The following MYO5B variants were observed in gnomAD, a reference collection of about 807,000 sequenced individuals.
MYO5B encodes unconventional myosin-Vb.
In MYO5B, 143 loss-of-function variants were observed where a neutral mutation model predicts 229.3. The observed-to-expected ratio is 0.62, with a 90% confidence interval of 0.54 to 0.72. MYO5B has a LOEUF of 0.72. Ranked by LOEUF, MYO5B falls within the 30% of genes least tolerant of loss-of-function variation. The probability of loss-of-function intolerance (pLI) is 0.00; values close to 1 mark genes in which losing one functional copy is unlikely to be tolerated. For missense variants in MYO5B, 2,321 were observed against 2,331.0 expected, an observed-to-expected ratio of 1.00 and a Z score of 0.09; for synonymous variants, 918 against 885.2, an observed-to-expected ratio of 1.04 and a Z score of -0.66.
At chr18:50,008,621 G>C (rs2026128896) in intron 4 of MYO5B, among the ~76,000 whole-genome samples, 1 of 152,140 alleles carries the variant, frequency 6.6e-6, no homozygotes, top group Admixed American at 6.5e-5. Flanking sequence ...TCCCTGAGAG[G>C]ATGAAGAGGT....
intron 18 of MYO5B, among the ~76,000 whole-genome samples, chr18:49,907,438 A>AC (rs1598873915): frequency 6.6e-6 from 1 of 152,168 alleles, no homozygotes; most frequent in African/African-American, 2.4e-5. Flanking sequence ...CCCTGGGCTC[A>AC]CCCCTTTGGA....
chr18:50,110,684 C>A (rs73430304), intron 1 of MYO5B, among the ~76,000 whole-genome samples: 1 of 151,966 alleles, frequency 6.6e-6, no homozygotes, highest in Admixed American at 6.6e-5. Context: ...CAACTGAGGA[C>A]GGAAGTTAAG....
At chr18:50,115,547 GACACACACACACACAC>G (rs56886992) in intron 1 of MYO5B, among the ~76,000 whole-genome samples, 7 of 125,180 alleles carry the variant, frequency 5.6e-5, no homozygotes, top group African/African-American at 1.7e-4. Flanking sequence ...CACACAGAGA[GACACACACACACACAC>G]ACACACACAC....
In MYO5B at chr18:49,875,771, C is replaced by T; in HGVS notation, c.3453G>A (p.Lys1151=). The change falls in exon 26 of 40, where the codon AAG becomes AAA. Residue 1151 remains lysine (K), a synonymous_variant. Coordinates refer to ENST00000285039, the MANE Select transcript of MYO5B (RefSeq NM_001080467.3). Reference sequence around the variant, plus strand: ...TCTCCTGCTCCAGCTCCCGTACTCTCTTCTGCAGCTTCAGGAAGACCGTCA... The same window carrying T: ...TCTCCTGCTCCAGCTCCCGTACTCTTTTCTGCAGCTTCAGGAAGACCGTCA... ...MDMTVFLKLQ[K]RVRELEQERK... is the part of the protein sequence containing the mutation. 6.2e-7 allele frequency: 1 copy of T among 1,614,210 alleles called. No individual in the cohort carries two copies. The highest frequency in any genetic ancestry group is 8.5e-7 in the Non-Finnish European group (1 of 1,180,020).
intron 25 of MYO5B, 118 bp downstream of exon 25, chr18:49,877,645 C>T: frequency 7.2e-7 from 1 of 1,392,216 alleles, no homozygotes; most frequent in Non-Finnish European, 1.0e-6. Flanking sequence ...GAGAATTAGC[C>T]CCTGGGCACT....
At chr18:49,897,298 G>A (rs1206786417) in intron 21 of MYO5B, among the ~76,000 whole-genome samples, 1 of 152,160 alleles carries the variant, frequency 6.6e-6, no homozygotes, top group Non-Finnish European at 1.5e-5. Context: ...AACCCTCCCT[G>A]CCATGTTACT....
intron 27 of MYO5B, among the ~76,000 whole-genome samples, chr18:49,868,410 G>A (rs2024421391): frequency 6.6e-6 from 1 of 152,208 alleles, no homozygotes; most frequent in Non-Finnish European, 1.5e-5. Context: ...AGTCAGTTGA[G>A]GTGAAAAGTG....
At chr18:49,839,392 AG>A in intron 35 of MYO5B, 98 bp from the exon 36 acceptor site, 1 of 1,430,706 alleles carries the variant, frequency 7.0e-7, no homozygotes, top group Non-Finnish European at 9.7e-7. Flanking sequence ...TTTGGTGGGC[AG>A]GGGGCCTACT....
At chr18:50,192,081 A>G (rs1343324385) in intron 1 of MYO5B, among the ~76,000 whole-genome samples, 1 of 152,292 alleles carries the variant, frequency 6.6e-6, no homozygotes, top group African/African-American at 2.4e-5. Flanking sequence ...GAGAGAAAAA[A>G]AAAAAAAATG....
At chr18:50,035,159 G>A (rs1380000026) in intron 4 of MYO5B, among the ~76,000 whole-genome samples, 2 of 152,182 alleles carry the variant, frequency 1.3e-5, no homozygotes, top group African/African-American at 4.8e-5. Flanking sequence ...TCTACAGGGT[G>A]GATAAAGCTA....
chr18:50,075,674 T>G (rs1251070934), intron 1 of MYO5B, among the ~76,000 whole-genome samples: 3 of 152,120 alleles, frequency 2.0e-5, no homozygotes, highest in African/African-American at 4.8e-5. Flanking sequence ...GGCTTCTAGA[T>G]TCAAAGAAGT....
intron 14 of MYO5B, among the ~76,000 whole-genome samples, 200 bp from the exon 15 acceptor site, chr18:49,937,597 C>A (rs1183017548): frequency 6.6e-6 from 1 of 152,106 alleles, no homozygotes; most frequent in African/African-American, 2.4e-5. Flanking sequence ...GATGAATGGA[C>A]AAACAAATGT....
Position 50,195,034 on chromosome 18 carries a change from G to T in MYO5B, c.-241C>A. The T allele has an allele frequency of 2.6e-6, 1 of 389,626 alleles. No homozygotes were observed. Among genetic ancestry groups the T allele is most frequent in the Non-Finnish European group, 4.3e-6 (1 of 233,112 alleles). 24.1% of individuals were successfully genotyped at this position (389,626 alleles called of 1,614,324 possible). A position where few individuals can be genotyped will look rare whatever the true frequency, so the allele number is the denominator to read the frequency against. ...CCGGACAGGAGTTGCGAGCGCCGGG[G>T]GAGGAGGCCGCGCCGCACCACTCCC... On this transcript the variant is annotated 5_prime_UTR_variant, in exon 1 of 40. Transcript: ENST00000285039.
chr18:50,184,374 G>A (rs1270376471), intron 1 of MYO5B, among the ~76,000 whole-genome samples: 4 of 152,108 alleles, frequency 2.6e-5, no homozygotes, highest in Admixed American at 2.0e-4. Flanking sequence ...AGGGAGAGTT[G>A]CAGGGCAGTG....
At chr18:49,971,694 G>T (rs973743360) in intron 10 of MYO5B, among the ~76,000 whole-genome samples, 1 of 152,148 alleles carries the variant, frequency 6.6e-6, no homozygotes, top group Non-Finnish European at 1.5e-5. Context: ...TCCATATTTA[G>T]GGCATGTATG....
intron 35 of MYO5B, 124 bp downstream of exon 35, chr18:49,841,241 C>A: frequency 1.1e-6 from 1 of 882,004 alleles, no homozygotes; most frequent in Non-Finnish European, 1.9e-6. Flanking sequence ...TAAGGTGTGC[C>A]CACGGTCTGA....
At position 49,886,996 on chromosome 18, in the gene MYO5B, A is replaced by T. The variant is rs567292308; in HGVS notation, c.3046-6541T>A. Reference sequence around the variant, plus strand: ...ATCTCGTGTTGAAATGTGATTCCTAATGTTGGAGGTGGGGCCTGGTGAGAG... The same window carrying T: ...ATCTCGTGTTGAAATGTGATTCCTATTGTTGGAGGTGGGGCCTGGTGAGAG... On this transcript the variant is annotated intron_variant, in intron 22 of 39. Coordinates refer to ENST00000285039, the MANE Select transcript of MYO5B (RefSeq NM_001080467.3). Among the ~76,000 whole-genome samples, 9 of 152,162 alleles carry T rather than the reference A, an allele frequency of 5.9e-5. No individual in the cohort carries two copies. In the East Asian group the frequency reaches 1.5e-3, roughly 26 times the overall value.
At chr18:50,036,700 C>A in intron 4 of MYO5B, 150 bp downstream of exon 4, 1 of 834,920 alleles carries the variant, frequency 1.2e-6, no homozygotes. Context: ...ATGAGGTAGG[C>A]AGTAGAACTT....
intron 17 of MYO5B, among the ~76,000 whole-genome samples, chr18:49,919,221 T>C (rs545603813): frequency 2.0e-5 from 3 of 151,996 alleles, no homozygotes; most frequent in Non-Finnish European, 4.4e-5. Flanking sequence ...AGTAAAACTC[T>C]TGGAAGAAAA....
Sources: gnomAD v4.1 joint callset for allele counts (sites outside exome capture counted in the v4.1 genomes callset) on GRCh38, gnomAD v4.1.1 for gene constraint, MANE v1.5 for transcripts, NCBI Gene and HGNC (gene_info 2026-07-23, HGNC 2026-07-21) for gene names.